Variants in SETDB1 observed in about 807,000 individuals in gnomAD.
The protein encoded by SETDB1 is histone-lysine N-methyltransferase SETDB1.
A neutral mutation model predicts 137.4 loss-of-function variants in SETDB1; 31 were observed. The observed-to-expected ratio is 0.23, with a 90% CI of 0.17 to 0.30. The LOEUF (loss-of-function observed/expected upper bound fraction) is 0.30, where lower values mean the gene tolerates loss of function less well. Among genes scored for constraint, SETDB1 ranks in the 10% least tolerant of loss-of-function variants. SETDB1 has a pLI of 1.00. For missense variants in SETDB1, 1,113 were observed against 1,631.5 expected (o/e 0.68, Z 5.47); for synonymous variants, 548 against 579.9 (o/e 0.95, Z 0.79).
chr1:150,933,749 CTTT>C (rs1558012133), intron 3 of SETDB1, among the ~76,000 whole-genome samples: 126 of 11,058 alleles, frequency 0.011, 2 homozygotes, highest in Non-Finnish European at 0.016. Flanking sequence ...TCTGATTTTT[CTTT>C]TTCTTTTTCT....
chr1:150,954,263 C>T (rs1670581347), intron 14 of SETDB1, among the ~76,000 whole-genome samples: 1 of 152,174 alleles, frequency 6.6e-6, no homozygotes, highest in Admixed American at 6.5e-5. Flanking sequence ...TTCAAGGCTG[C>T]AGTGAGCTAT....
chr1:150,928,840 C>T (rs1317742355), intron 2 of SETDB1, among the ~76,000 whole-genome samples: 2 of 151,598 alleles, frequency 1.3e-5, no homozygotes, highest in Non-Finnish European at 2.9e-5. Context: ...TGAGAACGTG[C>T]GGTGTTTGGT....
intron 5 of SETDB1, 145 bp downstream of exon 5, chr1:150,941,573 T>C: frequency 1.7e-6 from 1 of 583,670 alleles, no homozygotes; most frequent in South Asian, 2.2e-5. Flanking sequence ...TTGATGGTGA[T>C]TTTTCCAGTC....
At chr1:150,951,745 T>G (rs1383853835) in intron 14 of SETDB1, among the ~76,000 whole-genome samples, 2 of 152,218 alleles carry the variant, frequency 1.3e-5, no homozygotes, top group African/African-American at 4.8e-5. Flanking sequence ...ATTTCATAGC[T>G]AAATGAATGT....
At chr1:150,934,166 A>G (rs960071387) in intron 3 of SETDB1, among the ~76,000 whole-genome samples, 1 of 151,992 alleles carries the variant, frequency 6.6e-6, no homozygotes, top group Non-Finnish European at 1.5e-5. Flanking sequence ...TACTGACTTA[A>G]TTCTGGTAAA....
Position 150,964,486 on chromosome 1 carries a change from G to C in SETDB1, c.*122G>C, listed in dbSNP as rs1482897499. 2 of 753,074 alleles carry C rather than the reference G, an allele frequency of 2.7e-6. No individual in the cohort carries two copies. The highest frequency in any genetic ancestry group is 1.5e-5 in the South Asian group (1 of 68,418). The allele number at this position is 753,074 out of a possible 1,614,324, so 46.6% of individuals were successfully genotyped here. A position where few individuals can be genotyped will look rare whatever the true frequency, so the allele number is the denominator to read the frequency against. On this transcript the variant is annotated 3_prime_UTR_variant, in exon 22 of 22. Transcript: ENST00000692827. ...TACTCCCCCCAGCTCCTAGTTGATA[G>C]AAATGGGGGTTCTGGACCAGATGAT...
chr1:150,939,359 G>A lies in SETDB1; in HGVS notation c.413-581G>A, dbSNP rs191507116. On this transcript the variant is annotated intron_variant, in intron 3 of 21. Coordinates refer to ENST00000692827, the MANE Select transcript of SETDB1 (RefSeq NM_001366418.1). ...TTATTGTTTTTTGAGCCAGAGTCTCGTTCTGTCAACCAGGCTGGAGTGCAG... is the reference window on the plus strand; with the variant it reads ...TTATTGTTTTTTGAGCCAGAGTCTCATTCTGTCAACCAGGCTGGAGTGCAG... 2.7e-4 allele frequency among the ~76,000 whole-genome samples: 41 copies of A among 149,476 alleles called. 1 individual carries two copies. The East Asian group carries it at 5.4e-3, about 20-fold the overall frequency.
Position 150,964,595 on chromosome 1 carries a change from C to T in SETDB1, c.*231C>T. 1 of 675,972 alleles carries T rather than the reference C, an allele frequency of 1.5e-6. No homozygotes were observed. The allele number at this position is 675,972 out of a possible 1,614,324, so 41.9% of individuals were successfully genotyped here. On this transcript the variant is annotated 3_prime_UTR_variant, in exon 22 of 22. Transcript: ENST00000692827. ...GGTGGGGAGAGATCACCACTCTAAC[C>T]TCGGCCTGACATCCCTCCCATCCCA...
At position 150,963,597 on chromosome 1, in the gene SETDB1, T is replaced by C; in HGVS notation, c.3528T>C (p.Ile1176=). ...TTGCTCTTAAATCAACCCATGGGAT[T>C]GCAATTAAATCAACCAACATGGCCT... is the stretch of plus-strand genomic sequence containing the variant. ...RGFALKSTHG[I]AIKSTNMASV... Residue 1176 remains isoleucine (I), a synonymous_variant, in exon 20 of 22, where the codon ATT becomes ATC. Coordinates refer to ENST00000692827, the MANE Select transcript of SETDB1 (RefSeq NM_001366418.1). The C allele has an allele frequency of 1.2e-6, 2 of 1,614,082 alleles. No individual in the cohort carries two copies. The highest frequency in any genetic ancestry group is 1.7e-6 in the Non-Finnish European group (2 of 1,179,962).
Position 150,962,699 on chromosome 1 carries a change from T to C in SETDB1, c.3274T>C (p.Ser1092Pro). The C allele has an allele frequency of 6.2e-7, 1 of 1,614,162 alleles. No homozygotes were observed. Among genetic ancestry groups the C allele is most frequent in the Middle Eastern group, 1.6e-4 (1 of 6,062 alleles). Reference protein sequence around the residue: ...SMHQSRRLMASAQSNPDDVLT... With the variant: ...SMHQSRRLMAPAQSNPDDVLT... ...GCATCAAAGCCGAAGACTCATGGCT[T>C]CTGCTCAGTCCAACCCTGATGTAAG... Residue 1092 changes from serine to proline, a missense_variant, in exon 18 of 22, where the codon TCT (serine) becomes CCT (proline). By Grantham distance (74) the Ser-to-Pro change is moderately conservative (BLOSUM62 -1). Coordinates refer to ENST00000692827, the MANE Select transcript of SETDB1 (RefSeq NM_001366418.1).
intron 14 of SETDB1, among the ~76,000 whole-genome samples, chr1:150,956,475 C>T (rs900111815): frequency 6.6e-5 from 10 of 151,862 alleles, no homozygotes; most frequent in Non-Finnish European, 1.2e-4. Flanking sequence ...GTAATAATGA[C>T]ACCTGAGTTC....
At chr1:150,933,825 C>T (rs1445635381) in intron 3 of SETDB1, among the ~76,000 whole-genome samples, 1 of 98,118 alleles carries the variant, frequency 1.0e-5, no homozygotes, top group Non-Finnish European at 1.8e-5. Context: ...CTCTTGTTGT[C>T]TAGGCTGGAG....
chr1:150,926,862 CT>C (rs1669541379), intron 1 of SETDB1: 1 of 532,432 alleles, frequency 1.9e-6, no homozygotes, highest in Non-Finnish European at 3.8e-6. Flanking sequence ...TGGGGGAAAC[CT>C]TTTTGCTGCA....
chr1:150,964,241 CTT>C lies in SETDB1; in HGVS notation c.3762-5_3762-4del. The C allele has an allele frequency of 1.2e-6, 2 of 1,611,852 alleles. No individual in the cohort carries two copies. Among genetic ancestry groups the C allele is most frequent in the Non-Finnish European group, 1.7e-6 (2 of 1,177,932 alleles). On this transcript the variant is annotated splice_polypyrimidine_tract_variant and splice_region_variant and intron_variant, in intron 21 of 21. Transcript: ENST00000692827. ...TGCCACACACCATCCTTTTCTTCCT[CTT>C]CAGAAGAATCCGGGCTGGGACAGAA...
Position 150,950,556 on chromosome 1 carries a change from C to T in SETDB1, c.1682C>T (p.Ala561Val). ...VFHGMLERAP[A>V]EPSYRAPMEK... The stretch of plus-strand genomic sequence containing the variant: ...CATGGCATGCTGGAGCGGGCCCCAG[C>T]AGAGCCCTCCTACCGTGCTCCCATG... The change falls in exon 13 of 22, where the codon GCA (alanine) becomes GTA (valine). Residue 561 changes from alanine to valine, a missense_variant. Ala to Val is a moderately conservative substitution (Grantham distance 64). Transcript: ENST00000692827. 1 of 1,614,146 alleles carries T rather than the reference C, an allele frequency of 6.2e-7. No homozygotes were observed. The highest frequency in any genetic ancestry group is 8.5e-7 in the Non-Finnish European group (1 of 1,180,012).
At chr1:150,956,180 A>C (rs1036460253) in intron 14 of SETDB1, among the ~76,000 whole-genome samples, 1 of 151,842 alleles carries the variant, frequency 6.6e-6, no homozygotes, top group African/African-American at 2.4e-5. Flanking sequence ...GAGGTCAGGA[A>C]TTCAAGATCA....
chr1:150,957,963 G>T (rs1670698053), intron 14 of SETDB1, among the ~76,000 whole-genome samples: 1 of 152,120 alleles, frequency 6.6e-6, no homozygotes, highest in African/African-American at 2.4e-5. Flanking sequence ...AAGGCAGGCG[G>T]ATCACATGAG....
intron 3 of SETDB1, among the ~76,000 whole-genome samples, chr1:150,931,957 T>C (rs587649986): frequency 1.3e-5 from 2 of 152,226 alleles, no homozygotes; most frequent in Admixed American, 1.3e-4. Context: ...TTTTGTCTTT[T>C]ATCATATTAA....
chr1:150,937,428 T>C (rs1669979838), intron 3 of SETDB1, among the ~76,000 whole-genome samples: 1 of 152,058 alleles, frequency 6.6e-6, no homozygotes, highest in South Asian at 2.1e-4. Context: ...CACAACAATA[T>C]AAATATACTT....
Sources: allele counts gnomAD v4.1 joint callset (sites outside exome capture counted in the v4.1 genomes callset), GRCh38; gene constraint gnomAD v4.1.1; transcripts MANE v1.5; gene names NCBI Gene and HGNC (gene_info 2026-07-23, HGNC 2026-07-21).